The following SPIRE1 variants were observed in gnomAD, a reference collection of about 807,000 sequenced individuals.
SPIRE1 encodes protein spire homolog 1.
Under a neutral mutation model 94.1 loss-of-function variants are expected in SPIRE1, and 40 were observed. That is an observed-to-expected ratio of 0.43 (90% CI 0.33 to 0.55). The LOEUF is 0.55. Among genes scored for constraint, SPIRE1 ranks in the 20% least tolerant of loss-of-function variants. The pLI is 0.06. For synonymous variants in SPIRE1, 376 were observed against 371.7 expected (o/e 1.01, Z -0.13); for missense variants, 838 against 975.2 (o/e 0.86, Z 1.87).
chr18:12,586,131 T>A (rs2036385490), intron 2 of SPIRE1, among the ~76,000 whole-genome samples: 1 of 152,150 alleles, frequency 6.6e-6, no homozygotes, highest in Non-Finnish European at 1.5e-5. Flanking sequence ...TTAAAATTTT[T>A]AAAATAAAGA....
chr18:12,454,275 C>A (rs2031395999), intron 13 of SPIRE1, 71 bp downstream of exon 13: 1 of 1,568,224 alleles, frequency 6.4e-7, no homozygotes, highest in Non-Finnish European at 8.7e-7. Flanking sequence ...GCAGATAACT[C>A]TCCCAGGAGA....
chr18:12,535,731 C>T, intron 3 of SPIRE1, 130 bp from the exon 4 acceptor site: 1 of 696,072 alleles, frequency 1.4e-6, no homozygotes, highest in Non-Finnish European at 2.4e-6. Flanking sequence ...CCAACGCAGG[C>T]AGATCATGAG....
intron 4 of SPIRE1, among the ~76,000 whole-genome samples, chr18:12,531,525 T>G (rs1375790389): frequency 6.6e-6 from 1 of 152,146 alleles, no homozygotes; most frequent in South Asian, 2.1e-4. Context: ...CTGAAGGGTA[T>G]GATGAGGATG....
intron 2 of SPIRE1, among the ~76,000 whole-genome samples, chr18:12,594,243 A>C (rs2036612031): frequency 6.6e-6 from 1 of 152,192 alleles, no homozygotes; most frequent in Non-Finnish European, 1.5e-5. Context: ...CACCAAAGTA[A>C]AGACTGGGAG....
rs1380869797 is a variant in SPIRE1, at chr18:12,450,022, C to A, written c.2013-126G>T. The A allele has an allele frequency of 8.0e-6, 8 of 998,796 alleles. No homozygotes were observed. The African/African-American group carries it at 1.4e-4, about 17-fold the overall frequency. The allele number at this position is 998,796 out of a possible 1,614,324, so 61.9% of individuals were successfully genotyped here. On this transcript the variant is annotated intron_variant, in intron 16 of 16. Coordinates refer to ENST00000409402, the MANE Select transcript of SPIRE1 (RefSeq NM_001128626.2). ...TCATGGAATGGATGAGTGATTTAAT[C>A]ATATGTCCTTCTAAAAAAATTTCTT...
At chr18:12,652,202 C>T (rs532156625) in intron 1 of SPIRE1, among the ~76,000 whole-genome samples, 1 of 152,304 alleles carries the variant, frequency 6.6e-6, no homozygotes, top group East Asian at 1.9e-4. Context: ...ATAACCTAAA[C>T]TGCATCAGTT....
chr18:12,497,340 A>T (rs773900285), intron 6 of SPIRE1, among the ~76,000 whole-genome samples: 12 of 152,166 alleles, frequency 7.9e-5, no homozygotes, highest in Non-Finnish European at 1.3e-4. Flanking sequence ...GAAAACCACA[A>T]GAAGCAACAA....
At chr18:12,655,282 A>T (rs2038508696) in intron 1 of SPIRE1, among the ~76,000 whole-genome samples, 2 of 151,970 alleles carry the variant, frequency 1.3e-5, no homozygotes, top group Non-Finnish European at 2.9e-5. Flanking sequence ...GAAAGAAATA[A>T]AGCGAAAGAA....
intron 2 of SPIRE1, among the ~76,000 whole-genome samples, chr18:12,634,121 G>A (rs891251852): frequency 1.3e-5 from 2 of 151,902 alleles, no homozygotes; most frequent in African/African-American, 2.4e-5. Flanking sequence ...GGTGGCGGGC[G>A]CCTGTAGTCC....
chr18:12,583,864 C>T (rs2036321706), intron 2 of SPIRE1, among the ~76,000 whole-genome samples: 1 of 150,690 alleles, frequency 6.6e-6, no homozygotes, highest in Admixed American at 6.6e-5. Context: ...GGGTTAGAAG[C>T]TGCAGTAAGT....
intron 2 of SPIRE1, among the ~76,000 whole-genome samples, chr18:12,630,413 A>G (rs1190528605): frequency 2.6e-5 from 4 of 152,152 alleles, no homozygotes; most frequent in Non-Finnish European, 4.4e-5. Context: ...TAATCCCAGC[A>G]CTTTGGAGGC....
At position 12,524,387 on chromosome 18, in the gene SPIRE1, A is replaced by G. The variant is rs2034443258; in HGVS notation, c.729+11089T>C. On this transcript the variant is annotated intron_variant, in intron 4 of 16. Transcript: ENST00000409402. ...ATTTGGCCGATGAGGTTTAAACCAA[A>G]ATCCCATGTAAGTGAGAATCATTTA... Among the ~76,000 whole-genome samples, 3 of 152,348 alleles carry G rather than the reference A, an allele frequency of 2.0e-5. No individual in the cohort carries two copies. In the South Asian group the frequency reaches 6.2e-4, roughly 32 times the overall value.
chr18:12,598,694 T>C (rs959905588), intron 2 of SPIRE1, among the ~76,000 whole-genome samples: 1 of 152,058 alleles, frequency 6.6e-6, no homozygotes, highest in African/African-American at 2.4e-5. Flanking sequence ...GCAGCCCTGA[T>C]TGTCACTGGC....
chr18:12,609,245 C>T (rs555049100), intron 2 of SPIRE1, among the ~76,000 whole-genome samples: 29 of 152,284 alleles, frequency 1.9e-4, no homozygotes, highest in Admixed American at 1.5e-3. Flanking sequence ...AGCATTCAAA[C>T]GGTACACAAA....
At chr18:12,620,962 A>C (rs1045029115) in intron 2 of SPIRE1, among the ~76,000 whole-genome samples, 2 of 152,196 alleles carry the variant, frequency 1.3e-5, no homozygotes, top group Non-Finnish European at 2.9e-5. Context: ...TAAAAAGAGA[A>C]CCCAATTTTA....
In SPIRE1 at chr18:12,546,900, A is replaced by G. The variant is rs754522024; in HGVS notation, c.377T>C (p.Ile126Thr). 1.2e-6 allele frequency: 2 copies of G among 1,609,132 alleles called. No individual in the cohort carries two copies. The highest frequency in any genetic ancestry group is 1.7e-5 in the Admixed American group (1 of 59,714). ...ATAAATAATAATTCCCAAAGATTCAATGACCTAGGAACATTTAAAAAAGTG... is the reference window on the plus strand; with the variant it reads ...ATAAATAATAATTCCCAAAGATTCAGTGACCTAGGAACATTTAAAAAAGTG... ...GYSQCMETEV[I>T]ESLGIIIYKA... The change falls in exon 3 of 17, where the codon ATT (isoleucine) becomes ACT (threonine). Residue 126 changes from isoleucine (I) to threonine (T), a missense_variant. Physicochemically the swap from Ile to Thr is moderately conservative, Grantham distance 89. Around this residue, in one of 2 missense-constraint regions of SPIRE1, gnomAD observed 645 missense variants for 804.7 expected, o/e 0.80. Transcript: ENST00000409402.
intron 2 of SPIRE1, among the ~76,000 whole-genome samples, chr18:12,622,523 C>T (rs1436016721): frequency 1.3e-5 from 2 of 148,668 alleles, no homozygotes; most frequent in African/African-American, 2.5e-5. Context: ...CCCCGGTTCA[C>T]GCCATTCTCC....
At chr18:12,478,807 A>G (rs1034848732) in intron 10 of SPIRE1, among the ~76,000 whole-genome samples, 7 of 152,092 alleles carry the variant, frequency 4.6e-5, no homozygotes, top group Admixed American at 4.6e-4. Flanking sequence ...GGATGTGGGA[A>G]GCATTAGCAT....
At chr18:12,600,281 C>T (rs2036796518) in intron 2 of SPIRE1, among the ~76,000 whole-genome samples, 1 of 152,082 alleles carries the variant, frequency 6.6e-6, no homozygotes, top group Non-Finnish European at 1.5e-5. Flanking sequence ...CTAAGCCAGG[C>T]CAGACTCCTA....
Sources: gnomAD v4.1 joint callset for allele counts (sites outside exome capture counted in the v4.1 genomes callset) on GRCh38, gnomAD v4.1.1 for gene constraint, gnomAD v4.1.1 regional missense constraint, MANE v1.5 for transcripts, NCBI Gene and HGNC (gene_info 2026-07-23, HGNC 2026-07-21) for gene names.